Variants in PLPPR1 observed in about 807,000 individuals in gnomAD.
PLPPR1 encodes the protein phospholipid phosphatase-related protein type 1.
A neutral mutation model predicts 33.1 loss-of-function variants in PLPPR1; 10 were observed. The ratio of observed to expected loss-of-function variants is 0.30; its 90% CI spans 0.19 to 0.51. PLPPR1 has a LOEUF of 0.51. Ranked by LOEUF, PLPPR1 falls within the 20% of genes least tolerant of loss-of-function variation. The pLI is 0.97. For missense variants in PLPPR1, 304 were observed against 408.1 expected (o/e 0.74, Z 2.20); for synonymous variants, 151 against 151.0 (o/e 1.00, Z 0.00).
chr9:101,162,875 T>C (rs1825787712), intron 1 of PLPPR1, among the ~76,000 whole-genome samples: 1 of 152,176 alleles, frequency 6.6e-6, no homozygotes, highest in Non-Finnish European at 1.5e-5. Flanking sequence ...TTCTTGCTGA[T>C]TGGTTCATCA....
intron 1 of PLPPR1, among the ~76,000 whole-genome samples, chr9:101,136,739 T>C (rs1458529516): frequency 6.6e-6 from 1 of 152,220 alleles, no homozygotes; most frequent in Non-Finnish European, 1.5e-5. Flanking sequence ...GCTTGCAGCA[T>C]CTGGCTCTTC....
intron 1 of PLPPR1, among the ~76,000 whole-genome samples, chr9:101,109,572 AATT>A (rs1442133190): frequency 1.3e-5 from 2 of 152,188 alleles, no homozygotes; most frequent in Admixed American, 6.5e-5. Context: ...TCACTGAGTG[AATT>A]ATTATTCCCG....
At chr9:101,256,052 T>C (rs1827796223) in intron 2 of PLPPR1, among the ~76,000 whole-genome samples, 1 of 152,118 alleles carries the variant, frequency 6.6e-6, no homozygotes, top group South Asian at 2.1e-4. Flanking sequence ...TGCTAACCCA[T>C]TTCTCTGGCC....
At chr9:101,219,939 G>A (rs1321784812) in intron 2 of PLPPR1, among the ~76,000 whole-genome samples, 4 of 152,144 alleles carry the variant, frequency 2.6e-5, no homozygotes, top group African/African-American at 4.8e-5. Flanking sequence ...CTTGCTCATC[G>A]TGCCAGTGTC....
chr9:101,115,800 A>T (rs1831111283), intron 1 of PLPPR1, among the ~76,000 whole-genome samples: 1 of 152,204 alleles, frequency 6.6e-6, no homozygotes, highest in Non-Finnish European at 1.5e-5. Context: ...GCTGCATCCC[A>T]TTTTAATGAA....
At chr9:101,223,598 T>A (rs1826999413) in intron 2 of PLPPR1, among the ~76,000 whole-genome samples, 2 of 152,094 alleles carry the variant, frequency 1.3e-5, no homozygotes, top group Non-Finnish European at 2.9e-5. Context: ...TGGGGGCAGT[T>A]TCCCCCATGC....
At chr9:101,102,094 T>TTG (rs1830908761) in intron 1 of PLPPR1, among the ~76,000 whole-genome samples, 2 of 35,418 alleles carry the variant, frequency 5.6e-5, no homozygotes, top group Non-Finnish European at 5.9e-5. Flanking sequence ...TAGGAACAAC[T>TTG]TTTTTTTTTT....
chr9:101,205,492 A>T (rs778065357), intron 2 of PLPPR1, among the ~76,000 whole-genome samples: 6 of 152,162 alleles, frequency 3.9e-5, no homozygotes, highest in Non-Finnish European at 5.9e-5. Flanking sequence ...CAGGAAAATA[A>T]ATAGTAGGTA....
intron 1 of PLPPR1, among the ~76,000 whole-genome samples, chr9:101,111,872 G>A (rs1341149263): frequency 6.6e-6 from 1 of 152,090 alleles, no homozygotes; most frequent in South Asian, 2.1e-4. Flanking sequence ...ATTTAGAAAG[G>A]CATATAAATA....
chr9:101,164,125 A>G (rs1212257263), intron 1 of PLPPR1, among the ~76,000 whole-genome samples: 1 of 152,080 alleles, frequency 6.6e-6, no homozygotes, highest in Non-Finnish European at 1.5e-5. Context: ...TTTTTTTTAA[A>G]TTATTTTTAC....
chr9:101,046,192 T>C (rs1346820846), intron 1 of PLPPR1, among the ~76,000 whole-genome samples: 1 of 152,114 alleles, frequency 6.6e-6, no homozygotes, highest in East Asian at 1.9e-4. Flanking sequence ...TCCTTGGACA[T>C]TTTCCCAGTT....
chr9:101,251,928 GAGGAAAAAGTCTGGA>G lies in PLPPR1; in HGVS notation c.64-17947_64-17933del, dbSNP rs1827718556. The stretch of plus-strand genomic sequence containing the variant: ...GATTGAGTGTGTTTATATGCCTGAG[GAGGAAAAAGTCTGGA>G]AGGATAAATATACACCAAGTATTAG... On this transcript the variant is annotated intron_variant, in intron 2 of 7. Transcript: ENST00000374874. Among the ~76,000 whole-genome samples the G allele has an allele frequency of 2.0e-5, 3 of 152,158 alleles. No homozygotes were observed. In the South Asian group the frequency reaches 6.2e-4, roughly 32 times the overall value.
intron 3 of PLPPR1, among the ~76,000 whole-genome samples, chr9:101,275,322 C>A (rs942057897): frequency 1.3e-5 from 2 of 152,206 alleles, no homozygotes; most frequent in Admixed American, 6.5e-5. Flanking sequence ...CAGGGATGCA[C>A]AAGAAATGCT....
intron 2 of PLPPR1, chr9:101,187,900 C>G (rs1826231176): frequency 1.3e-5 from 2 of 151,904 alleles, no homozygotes; most frequent in African/African-American, 4.8e-5. Context: ...AGCCAGAAGT[C>G]ATTATATGTA....
chr9:101,305,401 A>G (rs1026542202), intron 4 of PLPPR1, among the ~76,000 whole-genome samples: 17 of 152,174 alleles, frequency 1.1e-4, no homozygotes, highest in African/African-American at 4.1e-4. Context: ...GTGGACAATG[A>G]GAGATGATCC....
At chr9:101,294,920 T>C (rs550074760) in intron 4 of PLPPR1, among the ~76,000 whole-genome samples, 6 of 152,306 alleles carry the variant, frequency 3.9e-5, no homozygotes, top group African/African-American at 1.4e-4. Context: ...CTACTACTCC[T>C]ATTCGACATA....
intron 1 of PLPPR1, among the ~76,000 whole-genome samples, chr9:101,034,376 C>T (rs1282720047): frequency 1.3e-5 from 2 of 152,240 alleles, no homozygotes; most frequent in Non-Finnish European, 2.9e-5. Context: ...CCTTGAATGT[C>T]CTGGAAACTT....
At chr9:101,031,471 A>G (rs1210357465) in intron 1 of PLPPR1, among the ~76,000 whole-genome samples, 1 of 152,192 alleles carries the variant, frequency 6.6e-6, no homozygotes, top group African/African-American at 2.4e-5. Flanking sequence ...GTATTGTACT[A>G]TGAGCTCTTA....
chr9:101,169,722 A>T (rs1049305364), intron 1 of PLPPR1, among the ~76,000 whole-genome samples: 2 of 152,158 alleles, frequency 1.3e-5, no homozygotes, highest in Non-Finnish European at 1.5e-5. Context: ...ATATCTTTTT[A>T]AAAAATAATC....
Sources: allele counts gnomAD v4.1 joint callset (sites outside exome capture counted in the v4.1 genomes callset), GRCh38; gene constraint gnomAD v4.1.1; transcripts MANE v1.5; gene names NCBI Gene and HGNC (gene_info 2026-07-23, HGNC 2026-07-21).